The following TBCA variants were observed in gnomAD, a reference collection of about 807,000 sequenced individuals.
TBCA encodes tubulin folding cofactor A, also known as tubulin-specific chaperone A.
Under a neutral mutation model 15.8 loss-of-function variants are expected in TBCA, and 6 were observed. The ratio of observed to expected loss-of-function variants is 0.38; its 90% CI spans 0.21 to 0.75. TBCA has a LOEUF of 0.75. TBCA is among the 30% of genes least tolerant of loss of function. The pLI is 0.46. For missense variants in TBCA, 90 were observed against 131.2 expected (o/e 0.69, Z 1.53); for synonymous variants, 32 against 42.3 (o/e 0.76, Z 0.94).
intron 2 of TBCA, among the ~76,000 whole-genome samples, chr5:77,697,939 G>A (rs533380777): frequency 2.7e-4 from 41 of 150,056 alleles, no homozygotes; most frequent in Non-Finnish European, 4.8e-4. Flanking sequence ...AGACCAGCCT[G>A]GGCAACAGGC....
At chr5:77,718,422 T>TGG (rs1392491378) in intron 1 of TBCA, among the ~76,000 whole-genome samples, 1 of 152,190 alleles carries the variant, frequency 6.6e-6, no homozygotes, top group South Asian at 2.1e-4. Context: ...TGTATCCACT[T>TGG]ACTACTTGGA....
intron 1 of TBCA, among the ~76,000 whole-genome samples, chr5:77,756,702 T>C (rs1306500348): frequency 2.6e-5 from 4 of 151,304 alleles, no homozygotes; most frequent in Admixed American, 1.3e-4. Flanking sequence ...GTAGTTCTCA[T>C]CCACCATTAC....
At chr5:77,771,969 A>T (rs950110380) in intron 1 of TBCA, among the ~76,000 whole-genome samples, 1 of 152,174 alleles carries the variant, frequency 6.6e-6, no homozygotes, top group East Asian at 1.9e-4. Context: ...CTTCCAAATA[A>T]AGGTTGTGAC....
chr5:77,697,728 A>T (rs1745903207), intron 2 of TBCA, among the ~76,000 whole-genome samples: 6 of 152,124 alleles, frequency 3.9e-5, no homozygotes, highest in Admixed American at 3.9e-4. Context: ...AGAACCTAGA[A>T]AAAGAAGAGC....
intron 1 of TBCA, among the ~76,000 whole-genome samples, chr5:77,717,147 G>C (rs1446516316): frequency 1.3e-5 from 2 of 152,176 alleles, no homozygotes; most frequent in African/African-American, 4.8e-5. Context: ...TGATGGTACT[G>C]AATTACTAAA....
chr5:77,718,462 T>C (rs1312410553), intron 1 of TBCA, among the ~76,000 whole-genome samples: 3 of 152,118 alleles, frequency 2.0e-5, no homozygotes, highest in Non-Finnish European at 4.4e-5. Flanking sequence ...ATTGGAAAAA[T>C]GCAAGTCAAC....
intron 1 of TBCA, among the ~76,000 whole-genome samples, chr5:77,717,986 C>T (rs1462888008): frequency 1.3e-5 from 2 of 151,728 alleles, no homozygotes; most frequent in Admixed American, 6.6e-5. Flanking sequence ...CAAAATTAGC[C>T]AGGCGAGGTG....
intron 1 of TBCA, among the ~76,000 whole-genome samples, chr5:77,709,344 T>A (rs1746221497): frequency 6.6e-6 from 1 of 152,190 alleles, no homozygotes; most frequent in African/African-American, 2.4e-5. Flanking sequence ...CTACTGATTA[T>A]CCCACAGATA....
intron 2 of TBCA, 108 bp from the exon 3 acceptor site, chr5:77,693,460 GGTTAT>G: frequency 7.8e-7 from 1 of 1,274,370 alleles, no homozygotes; most frequent in Non-Finnish European, 1.1e-6. Context: ...AAAAAGTTAT[GGTTAT>G]GTTAAATGGT....
intron 1 of TBCA, among the ~76,000 whole-genome samples, chr5:77,744,039 T>A (rs928685915): frequency 2.6e-5 from 4 of 152,194 alleles, no homozygotes; most frequent in Non-Finnish European, 5.9e-5. Context: ...CTTTATGTCT[T>A]ACTAACTTCC....
chr5:77,740,350 G>A (rs1449260916), intron 1 of TBCA, among the ~76,000 whole-genome samples: 4 of 152,132 alleles, frequency 2.6e-5, no homozygotes, highest in African/African-American at 9.7e-5. Flanking sequence ...AATAGAGACA[G>A]GCAAGTCTAG....
intron 1 of TBCA, among the ~76,000 whole-genome samples, chr5:77,756,106 T>G (rs1233718414): frequency 1.3e-5 from 2 of 152,186 alleles, no homozygotes; most frequent in Non-Finnish European, 2.9e-5. Flanking sequence ...TGTCACATTT[T>G]TTTAAAAGGA....
At chr5:77,693,440 A>G in intron 2 of TBCA, 88 bp from the exon 3 acceptor site, 2 of 1,415,440 alleles carry the variant, frequency 1.4e-6, no homozygotes, top group Non-Finnish European at 1.9e-6. Flanking sequence ...CCTTATTAAG[A>G]GGAATCAGAA....
At chr5:77,769,204 T>G (rs1339810781) in intron 1 of TBCA, among the ~76,000 whole-genome samples, 2 of 152,196 alleles carry the variant, frequency 1.3e-5, no homozygotes, top group Non-Finnish European at 2.9e-5. Flanking sequence ...GACCACCACT[T>G]TGGAGAACTG....
intron 1 of TBCA, among the ~76,000 whole-genome samples, chr5:77,730,562 T>TA (rs1403930930): frequency 4.1e-5 from 3 of 73,914 alleles, no homozygotes; most frequent in Admixed American, 1.7e-4. Flanking sequence ...CAAGCTCAAA[T>TA]TTTTTTTTTT....
At chr5:77,732,706 T>C (rs1025969637) in intron 1 of TBCA, among the ~76,000 whole-genome samples, 3 of 152,196 alleles carry the variant, frequency 2.0e-5, no homozygotes, top group East Asian at 1.9e-4. Flanking sequence ...ACTATTATTA[T>C]ATATTTTACG....
chr5:77,738,970 CA>C (rs1157349855), intron 1 of TBCA, among the ~76,000 whole-genome samples: 21 of 152,312 alleles, frequency 1.4e-4, no homozygotes, highest in African/African-American at 5.1e-4. Flanking sequence ...CTCATGAAAT[CA>C]ACCCAGTGGA....
At chr5:77,694,011 A>C (rs1224517575) in intron 2 of TBCA, among the ~76,000 whole-genome samples, 1 of 152,182 alleles carries the variant, frequency 6.6e-6, no homozygotes, top group African/African-American at 2.4e-5. Flanking sequence ...TTTATCTAAA[A>C]TGGGATCAGC....
chr5:77,743,364 A>C (rs1018488107), intron 1 of TBCA, among the ~76,000 whole-genome samples: 1 of 152,240 alleles, frequency 6.6e-6, no homozygotes, highest in Non-Finnish European at 1.5e-5. Flanking sequence ...ATGAGACTAA[A>C]CTTGGCAAGG....
Sources: allele counts gnomAD v4.1 joint callset (sites outside exome capture counted in the v4.1 genomes callset), GRCh38; gene constraint gnomAD v4.1.1; transcripts MANE v1.5; gene names NCBI Gene and HGNC (gene_info 2026-07-23, HGNC 2026-07-21).